The following FBXL7 variants were observed in gnomAD, a reference collection of about 807,000 sequenced individuals.
FBXL7 encodes the protein F-box and leucine rich repeat protein 7.
In FBXL7, 12 loss-of-function variants were observed where a neutral mutation model predicts 38.3. That is an observed-to-expected ratio of 0.31 (90% CI 0.20 to 0.51). FBXL7 has a LOEUF of 0.51. FBXL7 is among the 20% of genes least tolerant of loss of function. The pLI is 0.98. For synonymous variants in FBXL7, 297 were observed against 300.9 expected, an observed-to-expected ratio of 0.99 and a Z score of 0.13; for missense variants, 567 against 676.4, an observed-to-expected ratio of 0.84 and a Z score of 1.79.
Position 15,925,978 on chromosome 5 carries a change from C to G in FBXL7, c.128-1912C>G, listed in dbSNP as rs184445565. 1.1e-4 allele frequency among the ~76,000 whole-genome samples: 17 copies of G among 152,238 alleles called. No homozygotes were observed. The East Asian group carries it at 2.7e-3, about 24-fold the overall frequency. On this transcript the variant is annotated intron_variant, in intron 2 of 3. Transcript: ENST00000504595. Reference sequence around the variant, plus strand: ...TCAACACTTCATTATAAAATAGGCTCTATGTTAAATGACTTTGTTACTGTA... The same window carrying G: ...TCAACACTTCATTATAAAATAGGCTGTATGTTAAATGACTTTGTTACTGTA...
At chr5:15,893,067 G>A (rs1205814289) in intron 2 of FBXL7, among the ~76,000 whole-genome samples, 3 of 149,952 alleles carry the variant, frequency 2.0e-5, no homozygotes, top group Non-Finnish European at 4.4e-5. Flanking sequence ...AGTGAGCGGA[G>A]ATCACGCCAC....
At chr5:15,568,282 C>T (rs373082005) in intron 1 of FBXL7, among the ~76,000 whole-genome samples, 3,536 of 152,036 alleles carry the variant, frequency 0.023, 46 homozygotes, top group African/African-American at 0.031. Context: ...TTTTAATGAT[C>T]GCCATTCTAA....
At chr5:15,501,733 T>C in intron 1 of FBXL7, 1 of 985,434 alleles carries the variant, frequency 1.0e-6, no homozygotes, top group Non-Finnish European at 1.2e-6. Context: ...TGTGGGTGTC[T>C]CTCCTCGTTT....
intron 2 of FBXL7, among the ~76,000 whole-genome samples, chr5:15,800,410 A>T (rs1024190349): frequency 6.6e-6 from 1 of 152,248 alleles, no homozygotes. Context: ...GAAGAACAGA[A>T]GAAGAGAAAA....
intron 1 of FBXL7, among the ~76,000 whole-genome samples, chr5:15,611,938 G>T (rs747574043): frequency 2.6e-5 from 4 of 151,632 alleles, no homozygotes; most frequent in African/African-American, 9.7e-5. Context: ...CTGTGATGGT[G>T]CCACTACACT....
At chr5:15,875,475 A>T (rs766594527) in intron 2 of FBXL7, among the ~76,000 whole-genome samples, 2 of 152,208 alleles carry the variant, frequency 1.3e-5, no homozygotes, top group South Asian at 2.1e-4. Context: ...CAACCTACAG[A>T]ATGGGAGAAA....
chr5:15,616,449 A>G (rs995843066), intron 2 of FBXL7, among the ~76,000 whole-genome samples: 7 of 152,230 alleles, frequency 4.6e-5, no homozygotes, highest in Non-Finnish European at 1.0e-4. Context: ...AAATAGGCAC[A>G]CCTGGAATTC....
intron 2 of FBXL7, among the ~76,000 whole-genome samples, chr5:15,794,872 T>C (rs944200755): frequency 4.6e-5 from 7 of 152,190 alleles, no homozygotes; most frequent in African/African-American, 1.7e-4. Context: ...TTTTCCTCTA[T>C]AGTTAGAAAT....
intron 2 of FBXL7, among the ~76,000 whole-genome samples, chr5:15,799,356 C>CTTTTTTTT (rs34953272): frequency 7.7e-5 from 7 of 90,872 alleles, no homozygotes; most frequent in Admixed American, 1.4e-4. Flanking sequence ...AAACCCCTCC[C>CTTTTTTTT]TTTTTTTTTT....
At chr5:15,523,431 C>T (rs1055102455) in intron 1 of FBXL7, among the ~76,000 whole-genome samples, 4 of 151,934 alleles carry the variant, frequency 2.6e-5, no homozygotes, top group African/African-American at 4.8e-5. Context: ...TGGTGGCAGA[C>T]GCCTGTAGTC....
chr5:15,633,807 T>C lies in FBXL7; in HGVS notation c.127+17735T>C, dbSNP rs1033998216. The stretch of plus-strand genomic sequence containing the variant: ...ATTATTTTATTATTTTGAGATGGAG[T>C]TTTGCTCTTGTCTCTCAGGCTGGAG... On this transcript the variant is annotated intron_variant, in intron 2 of 3. Coordinates refer to ENST00000504595, the MANE Select transcript of FBXL7 (RefSeq NM_012304.5). Among the ~76,000 whole-genome samples, 22 of 150,684 alleles carry C rather than the reference T, an allele frequency of 1.5e-4. 1 individual carries two copies. The highest frequency in any genetic ancestry group is 4.9e-4 in the African/African-American group (20 of 41,200).
intron 2 of FBXL7, among the ~76,000 whole-genome samples, chr5:15,650,450 C>G (rs1741670289): frequency 6.6e-6 from 1 of 152,218 alleles, no homozygotes; most frequent in Non-Finnish European, 1.5e-5. Context: ...TGGCTGCTGA[C>G]TCATCAGGGT....
intron 2 of FBXL7, among the ~76,000 whole-genome samples, chr5:15,815,885 G>A (rs1431448135): frequency 2.0e-5 from 3 of 152,060 alleles, no homozygotes; most frequent in Non-Finnish European, 2.9e-5. Flanking sequence ...CAAACTGTCT[G>A]GAAAGAGCTA....
At chr5:15,909,450 T>C (rs1741403846) in intron 2 of FBXL7, among the ~76,000 whole-genome samples, 1 of 33,758 alleles carries the variant, frequency 3.0e-5, no homozygotes, top group Non-Finnish European at 5.8e-5. Context: ...ATCAATTTTG[T>C]TGATCCTTTC....
intron 2 of FBXL7, among the ~76,000 whole-genome samples, chr5:15,833,370 C>T (rs917423587): frequency 6.6e-6 from 1 of 152,142 alleles, no homozygotes; most frequent in Non-Finnish European, 1.5e-5. Flanking sequence ...TCAGAGCCCT[C>T]ATAACCTAAT....
Position 15,937,270 on chromosome 5 carries a change from A to T in FBXL7, c.*84A>T. The T allele has an allele frequency of 1.4e-6, 2 of 1,411,020 alleles. No homozygotes were observed. Among genetic ancestry groups the T allele is most frequent in the Non-Finnish European group, 1.9e-6 (2 of 1,074,200 alleles). 87.4% of individuals were successfully genotyped at this position (1,411,020 alleles called of 1,614,324 possible). On this transcript the variant is annotated 3_prime_UTR_variant, in exon 4 of 4. Transcript: ENST00000504595. ...AAAAGCAGCGTATGTAAGCACCGAC[A>T]CCCACTCAAAACAGCTCTTTCTTCC...
At chr5:15,788,299 A>T (rs1737183809) in intron 2 of FBXL7, among the ~76,000 whole-genome samples, 1 of 152,082 alleles carries the variant, frequency 6.6e-6, no homozygotes, top group Non-Finnish European at 1.5e-5. Flanking sequence ...CCCACCACTT[A>T]GCCGGTTTAT....
intron 2 of FBXL7, among the ~76,000 whole-genome samples, chr5:15,849,411 C>G (rs1476602546): frequency 6.6e-6 from 1 of 152,162 alleles, no homozygotes; most frequent in Non-Finnish European, 1.5e-5. Context: ...AATTTTAGCT[C>G]CCATAACTAC....
chr5:15,900,327 G>A (rs562226850), intron 2 of FBXL7, among the ~76,000 whole-genome samples: 68 of 152,134 alleles, frequency 4.5e-4, no homozygotes, highest in African/African-American at 1.6e-3. Context: ...TTTCTCACAC[G>A]ATGGCCTTCC....
Sources: gnomAD v4.1 joint callset for allele counts (sites outside exome capture counted in the v4.1 genomes callset) on GRCh38, gnomAD v4.1.1 for gene constraint, MANE v1.5 for transcripts, NCBI Gene and HGNC (gene_info 2026-07-23, HGNC 2026-07-21) for gene names.